UBE2E1: variants seen among roughly 807,000 people sequenced by gnomAD.
UBE2E1 encodes ubiquitin conjugating enzyme E2 E1, also known as ubiquitin-conjugating enzyme E2 E1.
Under a neutral mutation model 21.4 loss-of-function variants are expected in UBE2E1, and 6 were observed. The ratio of observed to expected loss-of-function variants is 0.28; its 90% confidence interval spans 0.15 to 0.55. The LOEUF is 0.55. Ranked by LOEUF, UBE2E1 falls within the 20% of genes least tolerant of loss-of-function variation. UBE2E1 has a pLI of 0.93. For missense variants in UBE2E1, 142 were observed against 236.5 expected (o/e 0.60, Z 2.62); for synonymous variants, 87 against 82.7 (o/e 1.05, Z -0.28).
intron 3 of UBE2E1, among the ~76,000 whole-genome samples, chr3:23,864,541 G>T (rs1700615109): frequency 6.6e-6 from 1 of 151,888 alleles, no homozygotes; most frequent in Non-Finnish European, 1.5e-5. Flanking sequence ...TTGTTTGCTT[G>T]CTTTTGTTTT....
At chr3:23,860,224 C>T (rs1700524343) in intron 3 of UBE2E1, among the ~76,000 whole-genome samples, 1 of 152,184 alleles carries the variant, frequency 6.6e-6, no homozygotes, top group Non-Finnish European at 1.5e-5. Flanking sequence ...ACGTTCTGAC[C>T]CGCTCAGGTT....
At chr3:23,830,425 T>TTTTG (rs1553636640) in intron 3 of UBE2E1, among the ~76,000 whole-genome samples, 3 of 151,246 alleles carry the variant, frequency 2.0e-5, no homozygotes, top group Non-Finnish European at 4.4e-5. Context: ...ATTTTTTTGT[T>TTTTG]TTTGTTTTTG....
Position 23,835,400 on chromosome 3 carries a change from C to T in UBE2E1, c.203+23890C>T, listed in dbSNP as rs543984188. Reference sequence around the variant, plus strand: ...GGAAGATCACTTGAGCCCAGGAGGTCGAGGCTAAGTGAGCTAGGATCATGC... The same window carrying T: ...GGAAGATCACTTGAGCCCAGGAGGTTGAGGCTAAGTGAGCTAGGATCATGC... On this transcript the variant is annotated intron_variant, in intron 3 of 5. Coordinates refer to ENST00000306627, the MANE Select transcript of UBE2E1 (RefSeq NM_003341.5). Among the ~76,000 whole-genome samples the T allele has an allele frequency of 3.9e-5, 6 of 152,124 alleles. No individual in the cohort carries two copies. In the South Asian group the frequency reaches 8.3e-4, roughly 21 times the overall value.
At chr3:23,817,164 T>C (rs1292212813) in intron 3 of UBE2E1, among the ~76,000 whole-genome samples, 2 of 152,150 alleles carry the variant, frequency 1.3e-5, no homozygotes, top group Non-Finnish European at 2.9e-5. Context: ...AGGCACAAGC[T>C]GGGCATGGTG....
chr3:23,869,295 C>T (rs902102531), intron 3 of UBE2E1, among the ~76,000 whole-genome samples: 19 of 150,248 alleles, frequency 1.3e-4, no homozygotes, highest in African/African-American at 4.2e-4. Context: ...AGATATTAGC[C>T]CTTAATCATG....
rs1183650925 is a variant in UBE2E1 at position 23,876,878 on chromosome 3, T to TA, written c.204-10681dup. ...GGGTAACCTAGCAAGACCCTGTCTC[T>TA]AAAAAAAATTTAAAAATTAGCCAGG... On this transcript the variant is annotated intron_variant, in intron 3 of 5. Coordinates refer to ENST00000306627, the MANE Select transcript of UBE2E1 (RefSeq NM_003341.5). This position sits in a 1 kb window ranked among gnomAD's most constrained non-coding sequence, Gnocchi z 4.3. 2.6e-5 allele frequency among the ~76,000 whole-genome samples: 4 copies of TA among 152,112 alleles called. No homozygotes were observed. In the South Asian group the frequency reaches 6.2e-4, roughly 24 times the overall value.
At chr3:23,879,774 T>C (rs1700995427) in intron 3 of UBE2E1, among the ~76,000 whole-genome samples, 1 of 152,214 alleles carries the variant, frequency 6.6e-6, no homozygotes, top group Non-Finnish European at 1.5e-5. Flanking sequence ...ATGCTTATCT[T>C]CCTATCTTCC....
chr3:23,889,671 T>C, intron 5 of UBE2E1: 4 of 985,442 alleles, frequency 4.1e-6, no homozygotes, highest in Non-Finnish European at 3.6e-6. Context: ...GTCACTGAGA[T>C]GGCACTCAAT....
intron 3 of UBE2E1, among the ~76,000 whole-genome samples, chr3:23,867,981 G>A (rs1319657788): frequency 4.6e-5 from 7 of 152,176 alleles, no homozygotes; most frequent in Non-Finnish European, 1.0e-4. Context: ...GGGAATGGCA[G>A]CAGTCATAAA....
intron 3 of UBE2E1, among the ~76,000 whole-genome samples, chr3:23,820,245 G>A (rs887191186): frequency 6.6e-6 from 1 of 152,300 alleles, no homozygotes; most frequent in Admixed American, 6.5e-5. Context: ...CTAGTAACTG[G>A]TGTCAGAATA....
At chr3:23,878,927 A>G (rs1700977345) in intron 3 of UBE2E1, 1 of 373,966 alleles carries the variant, frequency 2.7e-6, no homozygotes. Context: ...CATCTGTGGA[A>G]AAATTGTCTT....
intron 3 of UBE2E1, among the ~76,000 whole-genome samples, chr3:23,874,293 G>A (rs767782058): frequency 7.9e-5 from 12 of 152,194 alleles, no homozygotes; most frequent in Non-Finnish European, 1.5e-4. Flanking sequence ...TGCTTTTGGG[G>A]ATCAGCACTA....
At chr3:23,812,882 ATG>A (rs764689601) in intron 3 of UBE2E1, among the ~76,000 whole-genome samples, 3 of 152,002 alleles carry the variant, frequency 2.0e-5, no homozygotes, top group Non-Finnish European at 2.9e-5. Context: ...TGTGTCTCCT[ATG>A]TGTGTGTTAT....
At chr3:23,875,937 T>A (rs1700906166) in intron 3 of UBE2E1, among the ~76,000 whole-genome samples, 1 of 152,178 alleles carries the variant, frequency 6.6e-6, no homozygotes, top group African/African-American at 2.4e-5. Context: ...CACGCCCAGC[T>A]AATTTTTGTG....
At chr3:23,867,608 C>T (rs756954885) in intron 3 of UBE2E1, among the ~76,000 whole-genome samples, 15 of 152,124 alleles carry the variant, frequency 9.9e-5, no homozygotes, top group East Asian at 5.8e-4. Flanking sequence ...GTGGGCTCTC[C>T]GGTCCCCCTG....
chr3:23,871,641 T>C (rs1211614789), intron 3 of UBE2E1, among the ~76,000 whole-genome samples: 1 of 149,002 alleles, frequency 6.7e-6, no homozygotes, highest in Non-Finnish European at 1.5e-5. Flanking sequence ...GCGGAGGGTC[T>C]CCTCGCTTCT....
chr3:23,877,676 A>C (rs1290579482), intron 3 of UBE2E1, among the ~76,000 whole-genome samples: 1 of 152,168 alleles, frequency 6.6e-6, no homozygotes, highest in African/African-American at 2.4e-5. Context: ...GGGGTTTGTG[A>C]TATGAATGAT....
intron 4 of UBE2E1, among the ~76,000 whole-genome samples, chr3:23,888,536 C>T (rs1701252240): frequency 6.6e-6 from 1 of 152,152 alleles, no homozygotes; most frequent in African/African-American, 2.4e-5. Flanking sequence ...CCATTACTGG[C>T]TCTGCATCCA....
chr3:23,889,269 A>AT lies in UBE2E1; in HGVS notation c.484+11dup. On this transcript the variant is annotated intron_variant, in intron 5 of 5. Coordinates refer to ENST00000306627, the MANE Select transcript of UBE2E1 (RefSeq NM_003341.5). ...ACAGACTGTAATCCTGGTAAGGTTC[A>AT]TAATTCTTTACCTTGTTTTATTCTT... 1 of 1,613,698 alleles carries AT rather than the reference A, an allele frequency of 6.2e-7. No individual in the cohort carries two copies. The highest frequency in any genetic ancestry group is 8.5e-7 in the Non-Finnish European group (1 of 1,179,954).
Sources: allele counts gnomAD v4.1 joint callset (sites outside exome capture counted in the v4.1 genomes callset), GRCh38; gene constraint gnomAD v4.1.1; non-coding constraint Gnocchi (gnomAD v3.1); transcripts MANE v1.5; gene names NCBI Gene and HGNC (gene_info 2026-07-23, HGNC 2026-07-21).